GFRA1: variants seen among roughly 807,000 people sequenced by gnomAD.
GFRA1 encodes the protein GDNF family receptor alpha-1.
Under a neutral mutation model 51.6 loss-of-function variants are expected in GFRA1, and 16 were observed. That is an observed-to-expected ratio of 0.31 (90% CI 0.21 to 0.47). The LOEUF (loss-of-function observed/expected upper bound fraction) is 0.47. Among genes scored for constraint, GFRA1 ranks in the 20% least tolerant of loss-of-function variants. The pLI is 1.00. For synonymous variants in GFRA1, 270 were observed against 241.3 expected (o/e 1.12, Z -1.10); for missense variants, 530 against 594.3 (o/e 0.89, Z 1.13).
chr10:116,115,277 C>G (rs1309957465), intron 6 of GFRA1, among the ~76,000 whole-genome samples: 1 of 151,954 alleles, frequency 6.6e-6, no homozygotes, highest in African/African-American at 2.4e-5. Flanking sequence ...GTGGAGTCTC[C>G]CTGGGTGGAG....
chr10:116,058,917 A>C lies in GFRA1; in HGVS notation c.*5481T>G, dbSNP rs1227505515. On this transcript the variant is annotated 3_prime_UTR_variant, in exon 11 of 11. Transcript: ENST00000355422. ...TAAAATCTCAGCGGACTAACTGGCG[A>C]ATTTCCCACAAAGTCTACCCCCGTT... The C allele has an allele frequency of 2.6e-5, 4 of 152,188 alleles. No individual in the cohort carries two copies. The East Asian group carries it at 5.8e-4, about 22-fold the overall frequency. 9.4% of individuals were successfully genotyped at this position (152,188 alleles called of 1,614,324 possible).
chr10:116,136,415 C>A (rs900982629), intron 5 of GFRA1, among the ~76,000 whole-genome samples: 1 of 152,076 alleles, frequency 6.6e-6, no homozygotes, highest in Non-Finnish European at 1.5e-5. Flanking sequence ...TCTTTAAAAC[C>A]GACGCTGCTT....
rs2133739828 is a variant in GFRA1 at position 116,060,861 on chromosome 10, T to C, written c.*3537A>G. On this transcript the variant is annotated 3_prime_UTR_variant, in exon 11 of 11. Transcript: ENST00000355422. ...AACTTATTTTCCAAAAGACAGCTCC[T>C]CTGAGGCCACAATTTTGTAAATAAT... 6.6e-6 allele frequency: 1 copy of C among 152,338 alleles called. No homozygotes were observed. The highest frequency in any genetic ancestry group is 2.4e-5 in the African/African-American group (1 of 41,586). 9.4% of individuals were successfully genotyped at this position (152,338 alleles called of 1,614,324 possible). A position where few individuals can be genotyped will look rare whatever the true frequency, so the allele number is the denominator to read the frequency against.
intron 5 of GFRA1, among the ~76,000 whole-genome samples, chr10:116,157,742 G>T (rs1959298416): frequency 6.6e-6 from 1 of 152,166 alleles, no homozygotes; most frequent in Admixed American, 6.5e-5. Context: ...ATGTGAAACT[G>T]GGAGTTCCTT....
At chr10:116,116,153 G>A (rs1255096050) in intron 6 of GFRA1, among the ~76,000 whole-genome samples, 1 of 152,114 alleles carries the variant, frequency 6.6e-6, no homozygotes, top group Non-Finnish European at 1.5e-5. Context: ...GGAGGGCAAT[G>A]GTGCGATCTC....
chr10:116,252,033 T>C (rs962472020), intron 4 of GFRA1, among the ~76,000 whole-genome samples: 2 of 149,720 alleles, frequency 1.3e-5, no homozygotes, highest in Non-Finnish European at 3.0e-5. Context: ...TTTTCTATTT[T>C]AGGGTTTTCC....
chr10:116,087,317 G>T, intron 9 of GFRA1, among the ~76,000 whole-genome samples: 1 of 152,274 alleles, frequency 6.6e-6, no homozygotes, highest in African/African-American at 2.4e-5. Flanking sequence ...ACCTCCTGTG[G>T]CTGACAGACC....
chr10:116,245,577 G>C (rs1044013448), intron 4 of GFRA1, among the ~76,000 whole-genome samples: 6 of 152,142 alleles, frequency 3.9e-5, no homozygotes, highest in African/African-American at 1.4e-4. Context: ...CACACTCTTA[G>C]GTACTTACCC....
chr10:116,268,912 G>T (rs1969874454), intron 4 of GFRA1, among the ~76,000 whole-genome samples: 1 of 152,104 alleles, frequency 6.6e-6, no homozygotes, highest in Non-Finnish European at 1.5e-5. Context: ...TGGGAAGCGA[G>T]ACTACATTTA....
Position 116,064,498 on chromosome 10 carries a change from G to A in GFRA1, c.1298C>T (p.Thr433Ile). The A allele has an allele frequency of 6.2e-7, 1 of 1,613,120 alleles. No individual in the cohort carries two copies. Among genetic ancestry groups the A allele is most frequent in the Non-Finnish European group, 8.5e-7 (1 of 1,179,458 alleles). The change falls in exon 11 of 11, where the codon ACA (threonine) becomes ATA (isoleucine). Residue 433 changes from threonine to isoleucine, a missense_variant. Physicochemically the swap from Thr to Ile is moderately conservative, Grantham distance 89. Coordinates refer to ENST00000355422, the MANE Select transcript of GFRA1 (RefSeq NM_005264.8). ...EGLGASSHIT[T>I]KSMAAPPSCG... Reference sequence around the variant, plus strand: ...GCTTGGAGGAGCAGCCATTGATTTTGTGGTTATGTGGCTGGAAGCACCGAG... The same window carrying A: ...GCTTGGAGGAGCAGCCATTGATTTTATGGTTATGTGGCTGGAAGCACCGAG...
chr10:116,114,551 CTACTT>C (rs1306416671), intron 6 of GFRA1, among the ~76,000 whole-genome samples: 1 of 152,080 alleles, frequency 6.6e-6, no homozygotes, highest in Non-Finnish European at 1.5e-5. Context: ...CTCACAAATC[CTACTT>C]TAATTTTTAT....
intron 4 of GFRA1, among the ~76,000 whole-genome samples, chr10:116,268,870 C>A (rs756624967): frequency 2.0e-5 from 3 of 152,144 alleles, no homozygotes; most frequent in Non-Finnish European, 2.9e-5. Context: ...CCAAACCACA[C>A]ATAGAACTGC....
intron 5 of GFRA1, among the ~76,000 whole-genome samples, chr10:116,150,346 C>T (rs1313220877): frequency 3.9e-5 from 6 of 152,182 alleles, no homozygotes; most frequent in Non-Finnish European, 7.3e-5. Flanking sequence ...TCTGGCCCTA[C>T]TTCATTTCCA....
At chr10:116,179,838 C>A (rs1589849614) in intron 5 of GFRA1, among the ~76,000 whole-genome samples, 1 of 152,100 alleles carries the variant, frequency 6.6e-6, no homozygotes, top group African/African-American at 2.4e-5. Flanking sequence ...ATGCTGTATA[C>A]AGAGATGCAC....
intron 5 of GFRA1, among the ~76,000 whole-genome samples, chr10:116,161,241 G>A (rs746634485): frequency 6.6e-6 from 1 of 152,130 alleles, no homozygotes; most frequent in African/African-American, 2.4e-5. Flanking sequence ...GACTTTCTCC[G>A]TGTGGTCACT....
intron 5 of GFRA1, among the ~76,000 whole-genome samples, chr10:116,173,501 C>T (rs1480488172): frequency 6.6e-6 from 1 of 152,206 alleles, no homozygotes; most frequent in Non-Finnish European, 1.5e-5. Flanking sequence ...TTGCCTCTGG[C>T]ATATGGTACA....
In GFRA1 at chr10:116,152,017, G is replaced by T. The variant is rs150957789; in HGVS notation, c.434-26460C>A. On this transcript the variant is annotated intron_variant, in intron 5 of 10. Coordinates refer to ENST00000355422, the MANE Select transcript of GFRA1 (RefSeq NM_005264.8). ...AGGGCAGGGAAAAGCTTGGTGATTT[G>T]AAGAAATGATTAAGGAGACTGCTGT... Among the ~76,000 whole-genome samples the T allele has an allele frequency of 1.9e-3, 288 of 152,268 alleles. 1 individual carries two copies. Among genetic ancestry groups the T allele is most frequent in the African/African-American group, 6.7e-3 (278 of 41,558 alleles).
At chr10:116,167,243 A>G (rs903043963) in intron 5 of GFRA1, among the ~76,000 whole-genome samples, 1 of 152,154 alleles carries the variant, frequency 6.6e-6, no homozygotes, top group African/African-American at 2.4e-5. Context: ...GTCTTTCCCA[A>G]ATGAATACTT....
chr10:116,200,996 T>G (rs1964288265), intron 5 of GFRA1, among the ~76,000 whole-genome samples: 1 of 152,172 alleles, frequency 6.6e-6, no homozygotes. Context: ...ATGGACAGTT[T>G]TATGGTATGC....
Sources: allele counts gnomAD v4.1 joint callset (sites outside exome capture counted in the v4.1 genomes callset), GRCh38; gene constraint gnomAD v4.1.1; transcripts MANE v1.5; gene names NCBI Gene and HGNC (gene_info 2026-07-23, HGNC 2026-07-21).